ZBTB1: variants seen among roughly 807,000 people sequenced by gnomAD.
The protein encoded by ZBTB1 is zinc finger and BTB domain containing 1.
Under a neutral mutation model 51.6 loss-of-function variants are expected in ZBTB1, and 13 were observed. The ratio of observed to expected loss-of-function variants is 0.25; its 90% CI spans 0.16 to 0.40. The LOEUF is 0.40. Among genes scored for constraint, ZBTB1 ranks in the 10% least tolerant of loss-of-function variants. The pLI is 1.00. For synonymous variants in ZBTB1, 240 were observed against 282.2 expected (o/e 0.85, Z 1.50); for missense variants, 567 against 856.5 (o/e 0.66, Z 4.22).
chr14:64,525,845 C>T (rs1268977110), downstream of ZBTB1, among the ~76,000 whole-genome samples: 5 of 151,940 alleles, frequency 3.3e-5, no homozygotes, highest in East Asian at 3.8e-4. Flanking sequence ...TTTTTTGAGA[C>T]GGAGTCTTAC....
downstream of ZBTB1, among the ~76,000 whole-genome samples, chr14:64,527,624 T>G (rs1333878221): frequency 6.8e-6 from 1 of 147,706 alleles, no homozygotes; most frequent in African/African-American, 2.5e-5. Flanking sequence ...AAAAAAAAAT[T>G]AGCCAGGCGT....
chr14:64,517,781 A>ATATATATATATTTTTT (rs1160337478), intron 1 of ZBTB1, among the ~76,000 whole-genome samples: 4 of 41,550 alleles, frequency 9.6e-5, no homozygotes, highest in South Asian at 7.9e-4. Flanking sequence ...ATATATATAT[A>ATATATATATATTTTTT]TTTTTTTTTT....
At chr14:64,533,014 C>CTTATTTTTA (rs2079954187) in exon 3 of ZBTB1, 1 of 151,928 alleles carries the variant, frequency 6.6e-6, no homozygotes, top group Non-Finnish European at 1.5e-5. Context: ...TTGAGAAATG[C>CTTATTTTTA]TTATTTTTAT....
intron 1 of ZBTB1, among the ~76,000 whole-genome samples, chr14:64,511,881 C>T (rs975197218): frequency 2.0e-5 from 3 of 152,092 alleles, no homozygotes; most frequent in African/African-American, 7.2e-5. Flanking sequence ...AACAGCCAGC[C>T]GGGTGATGCT....
chr14:64,530,755 G>A (rs567118920), intron 2 of ZBTB1, among the ~76,000 whole-genome samples: 53 of 152,272 alleles, frequency 3.5e-4, no homozygotes, highest in African/African-American at 1.2e-3. Context: ...AATTAGTAGT[G>A]TCAAAATTGC....
downstream of ZBTB1, among the ~76,000 whole-genome samples, chr14:64,525,157 A>C (rs570382132): frequency 7.5e-4 from 114 of 152,342 alleles, 1 homozygote; most frequent in Non-Finnish European, 1.2e-3. Context: ...ACTGAGAGAC[A>C]TACTGGTGAG....
At chr14:64,511,024 G>C (rs1219275863) in intron 1 of ZBTB1, among the ~76,000 whole-genome samples, 1 of 152,138 alleles carries the variant, frequency 6.6e-6, no homozygotes, top group Non-Finnish European at 1.5e-5. Flanking sequence ...AGAAGTTATA[G>C]GTAGCTCCCA....
At chr14:64,528,957 T>A (rs928089577), downstream of ZBTB1, among the ~76,000 whole-genome samples, 4 of 152,210 alleles carry the variant, frequency 2.6e-5, no homozygotes, top group Non-Finnish European at 5.9e-5. Flanking sequence ...CTTTTCAGCC[T>A]AGAAACACAT....
chr14:64,518,902 A>G (rs1475098203), intron 1 of ZBTB1, among the ~76,000 whole-genome samples: 2 of 101,676 alleles, frequency 2.0e-5, no homozygotes, highest in Non-Finnish European at 4.1e-5. Flanking sequence ...AGTTGCAGAG[A>G]GGTATATATA....
intron 1 of ZBTB1, chr14:64,516,705 G>A (rs574290027): frequency 6.6e-6 from 1 of 152,306 alleles, no homozygotes; most frequent in East Asian, 1.9e-4. Context: ...GAATACTTGT[G>A]CTACTGCTGA....
chr14:64,532,145 A>G (rs1410599993), exon 3 of ZBTB1: 6 of 408,426 alleles, frequency 1.5e-5, no homozygotes, highest in Non-Finnish European at 2.6e-5. Context: ...GCTGAAGAAA[A>G]GTAACTAGAA....
intron 1 of ZBTB1, among the ~76,000 whole-genome samples, chr14:64,506,666 C>A (rs1406465518): frequency 1.3e-5 from 2 of 152,222 alleles, no homozygotes; most frequent in Non-Finnish European, 2.9e-5. Flanking sequence ...GTTTTATGAG[C>A]AAGCAGGCTT....
intron 1 of ZBTB1, among the ~76,000 whole-genome samples, chr14:64,507,259 C>T (rs946420228): frequency 6.6e-6 from 1 of 152,070 alleles, no homozygotes; most frequent in Non-Finnish European, 1.5e-5. Context: ...AATGTTTTCT[C>T]CTGACATTTT....
intron 1 of ZBTB1, among the ~76,000 whole-genome samples, chr14:64,516,228 CCTGGGT>C (rs1183768196): frequency 7.9e-5 from 12 of 152,050 alleles, no homozygotes; most frequent in African/African-American, 2.7e-4. Flanking sequence ...GGCATGCCAG[CCTGGGT>C]AACAGAGTAA....
Position 64,522,220 on chromosome 14 carries a change from C to G in ZBTB1, c.716C>G (p.Thr239Ser). ...TTAGATGAGCATGTGCTAACCTGTA[C>G]TAACAGACATTTATACCAAAACACA... ...KLLDEHVLTC[T>S]NRHLYQNTRS... is the part of the protein sequence containing the mutation. The change falls in exon 2 of 2, where the codon ACT (threonine) becomes AGT (serine). Residue 239 changes from threonine to serine, a missense_variant. Thr to Ser is a moderately conservative substitution (Grantham distance 58). Around this residue, in one of 5 missense-constraint regions of ZBTB1, gnomAD observed 329 missense variants for 406.3 expected, o/e 0.81. Coordinates refer to ENST00000683701, the MANE Select transcript of ZBTB1 (RefSeq NM_001123329.2). 1 of 1,614,220 alleles carries G rather than the reference C, an allele frequency of 6.2e-7. No individual in the cohort carries two copies. Among genetic ancestry groups the G allele is most frequent in the Non-Finnish European group, 8.5e-7 (1 of 1,180,048 alleles).
Position 64,523,245 on chromosome 14 carries a change from A to C in ZBTB1, c.1741A>C (p.Asn581His). The C allele has an allele frequency of 6.2e-7, 1 of 1,614,184 alleles. No homozygotes were observed. Among genetic ancestry groups the C allele is most frequent in the Non-Finnish European group, 8.5e-7 (1 of 1,180,026 alleles). ...ERDHRRKHFC[N>H]LCGKGFYQRC... Reference sequence around the variant, plus strand: ...AGATCACAGACGAAAGCATTTTTGTAATCTGTGTGGAAAAGGATTTTATCA... The same window carrying C: ...AGATCACAGACGAAAGCATTTTTGTCATCTGTGTGGAAAAGGATTTTATCA... Residue 581 changes from asparagine to histidine, a missense_variant, in exon 2 of 2, where the codon AAT (asparagine) becomes CAT (histidine). Physicochemically the swap from Asn to His is moderately conservative, Grantham distance 68 (BLOSUM62 1). Coordinates refer to ENST00000683701, the MANE Select transcript of ZBTB1 (RefSeq NM_001123329.2). The surrounding 1 kb of genome is among the most constrained non-coding windows in gnomAD (Gnocchi z 4.5).
At chr14:64,510,564 A>G (rs1441190593) in intron 1 of ZBTB1, among the ~76,000 whole-genome samples, 1 of 152,194 alleles carries the variant, frequency 6.6e-6, no homozygotes, top group Non-Finnish European at 1.5e-5. Flanking sequence ...GGCATGAGTA[A>G]AACTGCAGGG....
intron 1 of ZBTB1, among the ~76,000 whole-genome samples, chr14:64,519,297 C>T (rs1003996866): frequency 1.3e-5 from 2 of 151,250 alleles, no homozygotes; most frequent in Admixed American, 6.6e-5. Flanking sequence ...TACAGGCGCC[C>T]GCTATCACGA....
At chr14:64,526,120 C>CTCAATTTTTTTT (rs1363513595), downstream of ZBTB1, among the ~76,000 whole-genome samples, 1 of 152,098 alleles carries the variant, frequency 6.6e-6, no homozygotes, top group Non-Finnish European at 1.5e-5. Context: ...GCCCGGCCAC[C>CTCAATTTTTTTT]TCAATTTTTT....
Sources: allele counts gnomAD v4.1 joint callset (sites outside exome capture counted in the v4.1 genomes callset), GRCh38; gene constraint gnomAD v4.1.1; regional missense constraint gnomAD v4.1.1; non-coding constraint Gnocchi (gnomAD v3.1); transcripts MANE v1.5; gene names NCBI Gene and HGNC (gene_info 2026-07-23, HGNC 2026-07-21).